Variants in LMO3 observed in about 807,000 individuals in gnomAD.
The protein encoded by LMO3 is LIM domain only 3.
In LMO3, 2 loss-of-function variants were observed where a neutral mutation model predicts 15.8. The ratio of observed to expected loss-of-function variants is 0.13; its 90% CI spans 0.05 to 0.40. The LOEUF is 0.40. LMO3 is among the 10% of genes least tolerant of loss of function. The probability of loss-of-function intolerance (pLI) is 0.99; values close to 1 mark genes in which losing one functional copy is unlikely to be tolerated. For missense variants in LMO3, 86 were observed against 182.2 expected, an observed-to-expected ratio of 0.47 and a Z score of 3.04; for synonymous variants, 62 against 63.8, an observed-to-expected ratio of 0.97 and a Z score of 0.13.
rs1245313676 is a variant in LMO3, at chr12:16,561,502, G to T, written c.207-964C>A. Among the ~76,000 whole-genome samples, 3 of 152,142 alleles carry T rather than the reference G, an allele frequency of 2.0e-5. No homozygotes were observed. In the South Asian group the frequency reaches 6.2e-4, roughly 32 times the overall value. ...AAAATATAATGGCTCTCATGGGAAA[G>T]ACCAAATTAAAAGCAGTTCTAAACT... On this transcript the variant is annotated intron_variant, in intron 2 of 3. Transcript: ENST00000537304.
intron 2 of LMO3, among the ~76,000 whole-genome samples, chr12:16,569,477 G>T (rs557917474): frequency 2.0e-5 from 3 of 152,156 alleles, no homozygotes; most frequent in Admixed American, 2.0e-4. Flanking sequence ...ACAAATAATT[G>T]TCAATTTCTT....
chr12:16,559,855 G>C lies in LMO3; in HGVS notation c.332+558C>G, dbSNP rs1009176786. On this transcript the variant is annotated intron_variant, in intron 3 of 3. Coordinates refer to ENST00000537304, the MANE Select transcript of LMO3 (RefSeq NM_018640.5). This position sits in a 1 kb window ranked among gnomAD's most constrained non-coding sequence, Gnocchi z 4.1. ...TGCACACCTGTACTCCCAGCTACTC[G>C]GGAGGCTGAGGCAGGAGGATTGCTT... Among the ~76,000 whole-genome samples the C allele has an allele frequency of 6.6e-6, 1 of 151,738 alleles. No individual in the cohort carries two copies. The highest frequency in any genetic ancestry group is 1.5e-5 in the Non-Finnish European group (1 of 67,948).
Position 16,551,257 on chromosome 12 carries a change from A to T in LMO3, c.403T>A (p.Leu135Ile). Reference sequence around the variant, plus strand: ...TGGGGTGCATAACCTTCTTTCATTAAACCTTCCTCGTAGTCCGTCTGGCAA... The same window carrying T: ...TGGGGTGCATAACCTTCTTTCATTATACCTTCCTCGTAGTCCGTCTGGCAA... ...ILCQTDYEEG[L>I]MKEGYAPQVR is the part of the protein sequence containing the mutation. The change falls in exon 4 of 4, where the codon TTA (leucine) becomes ATA (isoleucine). Residue 135 changes from leucine (L) to isoleucine (I), a missense_variant. By Grantham distance (5) the Leu-to-Ile change is conservative. This residue lies in a region of LMO3 where 19 missense variants were observed against 20.0 expected (regional missense o/e 0.95). Coordinates refer to ENST00000537304, the MANE Select transcript of LMO3 (RefSeq NM_018640.5). 3.1e-6 allele frequency: 5 copies of T among 1,613,028 alleles called. No homozygotes were observed. Among genetic ancestry groups the T allele is most frequent in the Non-Finnish European group, 4.2e-6 (5 of 1,179,072 alleles).
chr12:16,557,455 A>C (rs1227207342), intron 3 of LMO3, among the ~76,000 whole-genome samples: 1 of 151,854 alleles, frequency 6.6e-6, no homozygotes, highest in Admixed American at 6.6e-5. Context: ...TGCTAGGAGA[A>C]TAATTGGTAT....
At chr12:16,557,340 T>C (rs1942228096) in intron 3 of LMO3, among the ~76,000 whole-genome samples, 1 of 150,382 alleles carries the variant, frequency 6.6e-6, no homozygotes, top group East Asian at 1.9e-4. Context: ...AATGAAATAC[T>C]ATCTTTCATC....
intron 2 of LMO3, chr12:16,573,859 A>C (rs1025282723): frequency 4.6e-5 from 7 of 152,158 alleles, no homozygotes; most frequent in African/African-American, 1.7e-4. Flanking sequence ...TGACGTCGCC[A>C]AATCACCGTC....
chr12:16,604,991 C>G lies in LMO3; in HGVS notation c.-9+1075G>C. The G allele has an allele frequency of 6.3e-7, 1 of 1,595,500 alleles. No individual in the cohort carries two copies. The highest frequency in any genetic ancestry group is 8.5e-7 in the Non-Finnish European group (1 of 1,178,288). ...CTCCTTGATTTCGCTTAAGTGTGGA[C>G]CTGGTGCGCAGCCTACACCGCCGAG... is the stretch of plus-strand genomic sequence containing the variant. On this transcript the variant is annotated intron_variant, in intron 1 of 3. Coordinates refer to ENST00000537304, the MANE Select transcript of LMO3 (RefSeq NM_018640.5). This position sits in a 1 kb window ranked among gnomAD's most constrained non-coding sequence, Gnocchi z 5.3.
chr12:16,608,102 G>A (rs2137760457), upstream of LMO3: 1 of 152,304 alleles, frequency 6.6e-6, no homozygotes, highest in African/African-American at 2.4e-5. The surrounding 1 kb of genome is among the most constrained non-coding windows in gnomAD (Gnocchi z 4.1). Context: ...CCACCTCTCT[G>A]CTACAGCCAC....
chr12:16,564,889 G>A (rs181095849), intron 2 of LMO3, among the ~76,000 whole-genome samples: 99 of 152,226 alleles, frequency 6.5e-4, no homozygotes, highest in Middle Eastern at 3.4e-3. Flanking sequence ...AGGCTTAAGT[G>A]ATCTTCGTGC....
intron 1 of LMO3, chr12:16,605,605 G>A: frequency 2.9e-6 from 2 of 697,000 alleles, no homozygotes; most frequent in South Asian, 3.9e-5. Context: ...CAAGTAAGGG[G>A]GAGGGGTCCG....
At chr12:16,575,958 G>C (rs1942982224) in intron 2 of LMO3, among the ~76,000 whole-genome samples, 1 of 152,006 alleles carries the variant, frequency 6.6e-6, no homozygotes, top group Non-Finnish European at 1.5e-5. Flanking sequence ...CAAGTCCCTC[G>C]AGCCACAGGT....
At chr12:16,590,617 G>A (rs1943462874) in intron 2 of LMO3, among the ~76,000 whole-genome samples, 2 of 151,338 alleles carry the variant, frequency 1.3e-5, no homozygotes, top group African/African-American at 4.9e-5. Flanking sequence ...AAAAAAAATC[G>A]GTATCATTGT....
At chr12:16,572,040 G>A (rs1942828137) in intron 2 of LMO3, among the ~76,000 whole-genome samples, 2 of 151,876 alleles carry the variant, frequency 1.3e-5, no homozygotes, top group South Asian at 2.1e-4. Context: ...AGGATTAGAT[G>A]AACTCCTTTT....
intron 2 of LMO3, among the ~76,000 whole-genome samples, chr12:16,583,896 A>G (rs1344810651): frequency 1.1e-4 from 16 of 152,170 alleles, no homozygotes; most frequent in Non-Finnish European, 1.8e-4. Flanking sequence ...AATTAGGAGA[A>G]AGAGACATGA....
rs1235079259 is a variant in LMO3, at chr12:16,593,803, A to T, written c.206+6852T>A. Among the ~76,000 whole-genome samples the T allele has an allele frequency of 6.6e-6, 1 of 151,800 alleles. No individual in the cohort carries two copies. Among genetic ancestry groups the T allele is most frequent in the Non-Finnish European group, 1.5e-5 (1 of 67,746 alleles). ...TTAGAAATGAAAAGCTAAATGCCACATTTCTTGCTTCACAGTATAAACTTC... is the reference window on the plus strand; with the variant it reads ...TTAGAAATGAAAAGCTAAATGCCACTTTTCTTGCTTCACAGTATAAACTTC... On this transcript the variant is annotated intron_variant, in intron 2 of 3. Coordinates refer to ENST00000537304, the MANE Select transcript of LMO3 (RefSeq NM_018640.5). This position sits in a 1 kb window ranked among gnomAD's most constrained non-coding sequence, Gnocchi z 4.2.
intron 2 of LMO3, among the ~76,000 whole-genome samples, chr12:16,592,636 A>G (rs1301108843): frequency 2.6e-5 from 4 of 151,968 alleles, no homozygotes; most frequent in African/African-American, 9.7e-5. Context: ...AACTTTATAC[A>G]TAGATATTGG....
chr12:16,553,209 C>T (rs1261705087), intron 3 of LMO3, among the ~76,000 whole-genome samples: 1 of 152,050 alleles, frequency 6.6e-6, no homozygotes, highest in African/African-American at 2.4e-5. Context: ...CCTAAGACTC[C>T]GTGCCAGAAT....
In LMO3 at chr12:16,582,762, A is replaced by T. The variant is rs1292668909; in HGVS notation, c.206+17893T>A. Among the ~76,000 whole-genome samples the T allele has an allele frequency of 6.6e-6, 1 of 152,188 alleles. No homozygotes were observed. The highest frequency in any genetic ancestry group is 2.4e-5 in the African/African-American group (1 of 41,464). The stretch of plus-strand genomic sequence containing the variant: ...ATGAGACGCCCAGAAAAGAATCAGA[A>T]CTAGGCCGGGCACGGTGGCCCATGC... On this transcript the variant is annotated intron_variant, in intron 2 of 3. Coordinates refer to ENST00000537304, the MANE Select transcript of LMO3 (RefSeq NM_018640.5). The surrounding 1 kb of genome is among the most constrained non-coding windows in gnomAD (Gnocchi z 4.1).
rs74774526 is a variant in LMO3, at chr12:16,604,823, A to C, written c.-9+1243T>G. Reference sequence around the variant, plus strand: ...AAGGCTTTTGAGCGGCCAGGAGTGCAGAGCGCCAGCAAAGTGCATCTATGA... The same window carrying C: ...AAGGCTTTTGAGCGGCCAGGAGTGCCGAGCGCCAGCAAAGTGCATCTATGA... On this transcript the variant is annotated intron_variant, in intron 1 of 3. Transcript: ENST00000537304. The surrounding 1 kb of genome is among the most constrained non-coding windows in gnomAD (Gnocchi z 5.3). 0.022 allele frequency: 34,749 copies of C among 1,595,472 alleles called. 419 individuals carry two copies. Among genetic ancestry groups the C allele is most frequent in the Non-Finnish European group, 0.025 (29,763 of 1,177,138 alleles).
Sources: gnomAD v4.1 joint callset for allele counts (sites outside exome capture counted in the v4.1 genomes callset) on GRCh38, gnomAD v4.1.1 for gene constraint, gnomAD v4.1.1 regional missense constraint, Gnocchi (gnomAD v3.1) non-coding constraint, MANE v1.5 for transcripts, NCBI Gene and HGNC (gene_info 2026-07-23, HGNC 2026-07-21) for gene names.